Variants in KMT2C observed in about 807,000 individuals in gnomAD.
KMT2C encodes histone-lysine N-methyltransferase 2C.
KMT2C carries 88 observed loss-of-function variants against 507.9 expected under a neutral mutation model. The ratio of observed to expected loss-of-function variants is 0.17; its 90% CI spans 0.15 to 0.21. The LOEUF (loss-of-function observed/expected upper bound fraction) is 0.21. Ranked by LOEUF, KMT2C falls within the 10% of genes least tolerant of loss-of-function variation. The pLI, the probability that KMT2C is intolerant of heterozygous loss-of-function variation, is 1.00. For synonymous variants in KMT2C, 2,049 were observed against 2,080.8 expected (o/e 0.98, Z 0.42); for missense variants, 4,954 against 5,957.8 (o/e 0.83, Z 5.55).
intron 1 of KMT2C, among the ~76,000 whole-genome samples, chr7:152,383,492 T>C (rs1372238319): frequency 4.6e-5 from 7 of 152,114 alleles, no homozygotes; most frequent in African/African-American, 1.7e-4. Context: ...GATAGAAAGC[T>C]AAGGGGAAGG....
chr7:152,197,268 G>A (rs761674048), intron 27 of KMT2C, among the ~76,000 whole-genome samples: 3 of 152,148 alleles, frequency 2.0e-5, no homozygotes, highest in Non-Finnish European at 2.9e-5. Context: ...AGGATTCTAC[G>A]GGTTTGGGCT....
chr7:152,139,086 C>T (rs1431967024), intron 57 of KMT2C, 100 bp downstream of exon 57: 39 of 1,192,752 alleles, frequency 3.3e-5, no homozygotes, highest in Non-Finnish European at 4.7e-5. Context: ...TAGTCACCGC[C>T]AGGCTGCCGT....
chr7:152,170,746 C>A (rs1410475478), intron 40 of KMT2C, among the ~76,000 whole-genome samples: 1 of 152,106 alleles, frequency 6.6e-6, no homozygotes, highest in Non-Finnish European at 1.5e-5. Context: ...CATAATTTGC[C>A]CATCTCGGCC....
In KMT2C at chr7:152,238,598, T is replaced by C. The variant is rs183786036; in HGVS notation, c.2652+109A>G. On this transcript the variant is annotated intron_variant, in intron 15 of 58. Coordinates refer to ENST00000262189, the MANE Select transcript of KMT2C (RefSeq NM_170606.3). ...CATTAAAATTTTTAGATTTAAAAAG[T>C]GTTTCTTGGAAGCTCAATCTAGAAA... is the stretch of plus-strand genomic sequence containing the variant. The C allele has an allele frequency of 2.2e-5, 17 of 784,516 alleles. No individual in the cohort carries two copies. The African/African-American group carries it at 2.4e-4, about 11-fold the overall frequency. The allele number at this position is 784,516 out of a possible 1,614,324, so 48.6% of individuals were successfully genotyped here.
At chr7:152,240,791 CCTT>C (rs2095368431) in intron 14 of KMT2C, among the ~76,000 whole-genome samples, 2 of 152,172 alleles carry the variant, frequency 1.3e-5, no homozygotes, top group Non-Finnish European at 2.9e-5. Context: ...TGTCTCCAAT[CCTT>C]CTACTTCTTG....
At chr7:152,195,367 T>C (rs950071567) in intron 28 of KMT2C, among the ~76,000 whole-genome samples, 1 of 152,152 alleles carries the variant, frequency 6.6e-6, no homozygotes, top group Non-Finnish European at 1.5e-5. Flanking sequence ...ATACTATGCT[T>C]TAGCCACACA....
intron 1 of KMT2C, among the ~76,000 whole-genome samples, chr7:152,426,072 G>A (rs1347049158): frequency 6.6e-6 from 1 of 151,818 alleles, no homozygotes. Flanking sequence ...ACTGTTTTTC[G>A]TGTATTGCTC....
chr7:152,161,887 C>G (rs930524332), intron 43 of KMT2C, among the ~76,000 whole-genome samples: 6 of 152,258 alleles, frequency 3.9e-5, no homozygotes, highest in African/African-American at 1.2e-4. Flanking sequence ...ATATGAAATG[C>G]AATACATGCC....
intron 1 of KMT2C, among the ~76,000 whole-genome samples, chr7:152,383,827 T>C (rs914313327): frequency 6.6e-6 from 1 of 152,184 alleles, no homozygotes; most frequent in Non-Finnish European, 1.5e-5. Flanking sequence ...TGCCTGGTAC[T>C]ACAGTTAAGT....
chr7:152,216,549 TTCA>T, intron 23 of KMT2C, among the ~76,000 whole-genome samples: 1 of 152,196 alleles, frequency 6.6e-6, no homozygotes, highest in Non-Finnish European at 1.5e-5. Context: ...TAATTTTAAA[TTCA>T]TCAAGTCTCT....
At position 152,136,606 on chromosome 7, in the gene KMT2C, CTG is replaced by C. The variant is rs1288761590; in HGVS notation, c.*224_*225del. 1.9e-6 allele frequency: 1 copy of C among 525,878 alleles called. No homozygotes were observed. The highest frequency in any genetic ancestry group is 3.4e-6 in the Non-Finnish European group (1 of 295,304). The allele number at this position is 525,878 out of a possible 1,614,324, so 32.6% of individuals were successfully genotyped here. On this transcript the variant is annotated 3_prime_UTR_variant, in exon 59 of 59. Transcript: ENST00000262189. Reference sequence around the variant, plus strand: ...AAAAAAGCAAAAGTGCTGGACCATTCTGTGATTCCGTTTAACCTCGGCCACTT... The same window carrying C: ...AAAAAAGCAAAAGTGCTGGACCATTCTGATTCCGTTTAACCTCGGCCACTT...
At chr7:152,310,119 A>G (rs776892482) in intron 5 of KMT2C, 44 bp from the exon 6 acceptor site, 1 of 1,300,246 alleles carries the variant, frequency 7.7e-7, no homozygotes, top group Admixed American at 1.9e-5. Context: ...CAAACATTAA[A>G]AAAATTAAAG....
intron 1 of KMT2C, among the ~76,000 whole-genome samples, chr7:152,381,220 C>G (rs1259510080): frequency 2.6e-5 from 4 of 152,126 alleles, no homozygotes; most frequent in Admixed American, 2.6e-4. Context: ...GTTCTAAACA[C>G]GCCAATAACA....
At chr7:152,389,298 G>A (rs192759069) in intron 1 of KMT2C, among the ~76,000 whole-genome samples, 2,754 of 148,772 alleles carry the variant, frequency 0.019, 46 homozygotes, top group Non-Finnish European at 0.027. Context: ...CTGGGAGGCC[G>A]AGACTGCAGT....
intron 1 of KMT2C, among the ~76,000 whole-genome samples, chr7:152,365,762 T>A (rs1439827350): frequency 6.6e-6 from 1 of 152,206 alleles, no homozygotes; most frequent in Non-Finnish European, 1.5e-5. Flanking sequence ...GCATGTTTTA[T>A]CTTTCTCTTT....
At chr7:152,302,415 G>A (rs2129194112) in intron 6 of KMT2C, among the ~76,000 whole-genome samples, 1 of 151,766 alleles carries the variant, frequency 6.6e-6, no homozygotes, top group South Asian at 2.1e-4. Context: ...GTAGAGAGGG[G>A]GTTTCATCAC....
intron 6 of KMT2C, among the ~76,000 whole-genome samples, chr7:152,305,249 A>G (rs142626796): frequency 7.2e-5 from 11 of 152,356 alleles, no homozygotes; most frequent in African/African-American, 1.4e-4. Context: ...GTCAGAGGTG[A>G]TAAGTACGAA....
intron 43 of KMT2C, among the ~76,000 whole-genome samples, chr7:152,161,611 G>A (rs908828594): frequency 6.6e-6 from 1 of 152,086 alleles, no homozygotes; most frequent in African/African-American, 2.4e-5. Context: ...ATAGAAAATT[G>A]ATACATGGAA....
intron 38 of KMT2C, 40 bp from the exon 39 acceptor site, chr7:152,174,282 A>T: frequency 1.0e-6 from 1 of 969,580 alleles, no homozygotes. Flanking sequence ...CATAGTAATT[A>T]GTTCAACGTA....
Sources: allele counts gnomAD v4.1 joint callset (sites outside exome capture counted in the v4.1 genomes callset), GRCh38; gene constraint gnomAD v4.1.1; transcripts MANE v1.5; gene names NCBI Gene and HGNC (gene_info 2026-07-23, HGNC 2026-07-21).